Variants in SMOC1 observed in about 807,000 individuals in gnomAD.
SMOC1 encodes SPARC-related modular calcium-binding protein 1.
A neutral mutation model predicts 56.3 loss-of-function variants in SMOC1; 22 were observed. That is an observed-to-expected ratio of 0.39 (90% CI 0.28 to 0.56). SMOC1 has a LOEUF of 0.56. Ranked by LOEUF, SMOC1 falls within the 20% of genes least tolerant of loss-of-function variation. The pLI, the probability that SMOC1 is intolerant of heterozygous loss-of-function variation, is 0.61. For missense variants in SMOC1, 509 were observed against 565.4 expected, an observed-to-expected ratio of 0.90 and a Z score of 1.01; for synonymous variants, 193 against 215.0, an observed-to-expected ratio of 0.90 and a Z score of 0.89.
At chr14:69,917,174 T>C (rs2066952) in intron 1 of SMOC1, among the ~76,000 whole-genome samples, 15,692 of 152,290 alleles carry the variant, frequency 0.1, 847 homozygotes, top group South Asian at 0.18. Context: ...TGATTTACAT[T>C]GCAAATGGTA....
chr14:69,879,891 T>A, intron 1 of SMOC1, 114 bp downstream of exon 1: 1 of 949,442 alleles, frequency 1.1e-6, no homozygotes, highest in Non-Finnish European at 1.5e-6. Context: ...TGTTGTCCTC[T>A]GTCTACTACC....
chr14:69,924,257 C>G (rs1884929849), intron 1 of SMOC1, among the ~76,000 whole-genome samples: 2 of 152,220 alleles, frequency 1.3e-5, no homozygotes, highest in African/African-American at 2.4e-5. Flanking sequence ...CTGTTGACCT[C>G]ACCTCCCAAA....
intron 3 of SMOC1, among the ~76,000 whole-genome samples, chr14:69,973,484 A>T (rs1052310705): frequency 1.3e-5 from 2 of 152,160 alleles, no homozygotes; most frequent in Non-Finnish European, 2.9e-5. Flanking sequence ...CTCAGAAAGT[A>T]GTGTTGACGT....
intron 1 of SMOC1, among the ~76,000 whole-genome samples, chr14:69,880,480 C>T (rs1011649046): frequency 6.6e-6 from 1 of 152,064 alleles, no homozygotes; most frequent in Non-Finnish European, 1.5e-5. Flanking sequence ...ATGAAACCTG[C>T]CAATTCTGTG....
intron 3 of SMOC1, among the ~76,000 whole-genome samples, 179 bp from the exon 4 acceptor site, chr14:69,975,536 T>G (rs1025631593): frequency 3.9e-5 from 6 of 152,198 alleles, no homozygotes; most frequent in Non-Finnish European, 8.8e-5. Context: ...AGCAACCATG[T>G]ACCCAGTGCT....
intron 1 of SMOC1, 123 bp downstream of exon 1, chr14:69,879,900 C>A: frequency 1.2e-6 from 1 of 834,368 alleles, no homozygotes; most frequent in Non-Finnish European, 1.8e-6. Flanking sequence ...CTGTCTACTA[C>A]CAGGTCCCCT....
At chr14:69,980,634 A>G (rs1314222426) in intron 5 of SMOC1, among the ~76,000 whole-genome samples, 1 of 152,198 alleles carries the variant, frequency 6.6e-6, no homozygotes, top group Non-Finnish European at 1.5e-5. Flanking sequence ...TCGACTAGCC[A>G]AGGTTCCTCT....
intron 1 of SMOC1, among the ~76,000 whole-genome samples, chr14:69,915,625 C>A (rs1884666675): frequency 6.6e-6 from 1 of 152,222 alleles, no homozygotes; most frequent in Non-Finnish European, 1.5e-5. Flanking sequence ...CTTGAACTTA[C>A]ACCTCTCAGG....
chr14:69,976,251 T>C (rs1449308406), intron 4 of SMOC1, among the ~76,000 whole-genome samples: 1 of 152,200 alleles, frequency 6.6e-6, no homozygotes, highest in Non-Finnish European at 1.5e-5. Flanking sequence ...AATGGTGGCT[T>C]CTGTGTCATA....
At chr14:69,944,883 T>C (rs1566683267) in intron 1 of SMOC1, among the ~76,000 whole-genome samples, 2 of 150,110 alleles carry the variant, frequency 1.3e-5, no homozygotes, top group African/African-American at 2.5e-5. Context: ...CTCTTAGAGA[T>C]TTTTTTCATT....
chr14:69,967,284 A>G (rs1324714787), intron 3 of SMOC1, among the ~76,000 whole-genome samples: 1 of 152,218 alleles, frequency 6.6e-6, no homozygotes, highest in African/African-American at 2.4e-5. Flanking sequence ...CCAACAGGCA[A>G]TCCTCCCTAG....
chr14:69,981,878 C>A (rs1192717041), intron 5 of SMOC1, among the ~76,000 whole-genome samples: 1 of 152,172 alleles, frequency 6.6e-6, no homozygotes, highest in East Asian at 1.9e-4. Context: ...TCCAGGATAA[C>A]TGAACACAGG....
At chr14:69,953,633 A>C in intron 3 of SMOC1, 101 bp downstream of exon 3, 1 of 956,012 alleles carries the variant, frequency 1.0e-6, no homozygotes, top group Non-Finnish European at 1.7e-6. Flanking sequence ...CTTTCTGGGA[A>C]ACAGTTGAGT....
At chr14:69,995,309 C>G (rs1884726580) in intron 7 of SMOC1, among the ~76,000 whole-genome samples, 1 of 152,148 alleles carries the variant, frequency 6.6e-6, no homozygotes, top group African/African-American at 2.4e-5. Flanking sequence ...TTAAGTTGAC[C>G]TGTTCACCAG....
At chr14:69,925,370 GGAA>G (rs1356133134) in intron 1 of SMOC1, among the ~76,000 whole-genome samples, 2 of 151,896 alleles carry the variant, frequency 1.3e-5, no homozygotes, top group African/African-American at 4.8e-5. Context: ...CTTGAGGGGA[GGAA>G]CCATGATTGT....
chr14:69,907,971 C>T (rs891057656), intron 1 of SMOC1, among the ~76,000 whole-genome samples: 4 of 152,178 alleles, frequency 2.6e-5, no homozygotes, highest in Admixed American at 1.3e-4. Context: ...CTCCCAAAGG[C>T]CTCCTAATAC....
chr14:69,896,485 C>T (rs904032116), intron 1 of SMOC1, among the ~76,000 whole-genome samples: 3 of 152,028 alleles, frequency 2.0e-5, no homozygotes, highest in African/African-American at 7.3e-5. Flanking sequence ...GTAGGAAGCT[C>T]AATAAATGTT....
Position 69,879,424 on chromosome 14 carries a change from A to T in SMOC1, c.-255A>T. On this transcript the variant is annotated 5_prime_UTR_variant, in exon 1 of 12. Transcript: ENST00000361956. ...TCCCATGGCCCGGGCTCAGGCGTCC[A>T]ACCTGCTGCCGCCTGGGCCCCGCCG... 1 of 374,996 alleles carries T rather than the reference A, an allele frequency of 2.7e-6. No homozygotes were observed. The highest frequency in any genetic ancestry group is 4.7e-6 in the Non-Finnish European group (1 of 213,214). 23.2% of individuals were successfully genotyped at this position (374,996 alleles called of 1,614,324 possible). A position where few individuals can be genotyped will look rare whatever the true frequency, so the allele number is the denominator to read the frequency against.
chr14:69,973,550 A>T (rs993196954), intron 3 of SMOC1, among the ~76,000 whole-genome samples: 5 of 152,246 alleles, frequency 3.3e-5, no homozygotes, highest in African/African-American at 1.2e-4. Context: ...TGGCCATGAG[A>T]TGAAGTGGGT....
Sources: gnomAD v4.1 joint callset for allele counts (sites outside exome capture counted in the v4.1 genomes callset) on GRCh38, gnomAD v4.1.1 for gene constraint, MANE v1.5 for transcripts, NCBI Gene and HGNC (gene_info 2026-07-23, HGNC 2026-07-21) for gene names.